The following SP140 variants were observed in gnomAD, a reference collection of about 807,000 sequenced individuals.
SP140 encodes SP140 nuclear body protein, also known as nuclear body protein SP140.
SP140 carries 81 observed loss-of-function variants against 125.0 expected under a neutral mutation model. The observed-to-expected ratio is 0.65, with a 90% CI of 0.54 to 0.78. The LOEUF (loss-of-function observed/expected upper bound fraction) is 0.78. SP140 is among the 30% of genes least tolerant of loss of function. The pLI is 0.00. For missense variants in SP140, 858 were observed against 1,037.0 expected (o/e 0.83, Z 2.37); for synonymous variants, 312 against 354.0 (o/e 0.88, Z 1.33).
upstream of SP140, among the ~76,000 whole-genome samples, chr2:230,224,477 G>C (rs147113293): frequency 2.8e-3 from 421 of 149,846 alleles, 1 homozygote; most frequent in Non-Finnish European, 3.6e-3. Context: ...GAGGGAGGGA[G>C]AGAGAGGGAG....
chr2:230,294,322 A>G lies in SP140; in HGVS notation c.2016+4A>G. The G allele has an allele frequency of 6.2e-7, 1 of 1,603,016 alleles. No individual in the cohort carries two copies. Among genetic ancestry groups the G allele is most frequent in the Non-Finnish European group, 8.5e-7 (1 of 1,169,952 alleles). ...AATACGTTACAGGAAAAAAAAGGTG[A>G]TTATTACATAGCTTTATACAGCTTC... On this transcript the variant is annotated splice_donor_region_variant and intron_variant, in intron 21 of 26. Transcript: ENST00000392045.
chr2:230,239,034 T>A, intron 3 of SP140: 1 of 1,405,326 alleles, frequency 7.1e-7, no homozygotes, highest in Non-Finnish European at 9.2e-7. Context: ...TGGAGTTTAA[T>A]TTTTGGAAAA....
intron 11 of SP140, 90 bp downstream of exon 11, chr2:230,253,507 C>A: frequency 1.1e-6 from 1 of 915,046 alleles, no homozygotes; most frequent in East Asian, 2.5e-5. Flanking sequence ...CCATCCTACC[C>A]TTCTCTTCTT....
upstream of SP140, among the ~76,000 whole-genome samples, chr2:230,199,205 C>CTTT (rs35807015): frequency 3.8e-3 from 343 of 89,446 alleles, 5 homozygotes; most frequent in East Asian, 0.012. Context: ...ACATAATCCT[C>CTTT]TTTTTTTTTT....
upstream of SP140, chr2:230,202,439 T>A (rs2043275104): frequency 1.3e-6 from 1 of 761,790 alleles, no homozygotes; most frequent in Non-Finnish European, 2.2e-6. Context: ...TCTTTGTTCC[T>A]CTTGTTATAC....
At position 230,255,457 on chromosome 2, in the gene SP140, A is replaced by G; in HGVS notation, c.1165A>G (p.Ser389Gly). ...GATTTCCTTCCTTTCTGCAGAGGGC[A>G]GTGATGACTGTTCGGAAATGTGTGA... ...SLLPGEGEEG[S>G]DDCSEMCDGE... Residue 389 changes from serine to glycine, a missense_variant, in exon 12 of 27, where the codon AGT (serine) becomes GGT (glycine). Ser to Gly is a moderately conservative substitution (Grantham distance 56). Coordinates refer to ENST00000392045, the MANE Select transcript of SP140 (RefSeq NM_007237.5). 1 of 1,613,852 alleles carries G rather than the reference A, an allele frequency of 6.2e-7. No homozygotes were observed. The highest frequency in any genetic ancestry group is 1.1e-5 in the South Asian group (1 of 91,072).
chr2:230,295,941 C>T (rs1575286754), intron 21 of SP140, among the ~76,000 whole-genome samples: 1 of 152,090 alleles, frequency 6.6e-6, no homozygotes, highest in African/African-American at 2.4e-5. Context: ...GAAGATTGAC[C>T]TCAAAAATTA....
In SP140 at chr2:230,305,203, G is replaced by A. The variant is rs941646885; in HGVS notation, c.2059-4721G>A. ...GAAATGCAAATCAAAACCGCAATGC[G>A]ATACCACCTTACTCCTGCAAGAATG... is the stretch of plus-strand genomic sequence containing the variant. On this transcript the variant is annotated intron_variant, in intron 22 of 26. Coordinates refer to ENST00000392045, the MANE Select transcript of SP140 (RefSeq NM_007237.5). Among the ~76,000 whole-genome samples the A allele has an allele frequency of 7.2e-5, 11 of 152,190 alleles. No homozygotes were observed. The East Asian group carries it at 7.7e-4, about 11-fold the overall frequency.
the SP140 span, among the ~76,000 whole-genome samples, chr2:230,193,591 CTT>C: frequency 6.6e-6 from 1 of 152,194 alleles, no homozygotes; most frequent in Admixed American, 6.5e-5. Context: ...CTAAAAATGA[CTT>C]TATTTCTCCT....
rs555793581 is a variant in SP140, at chr2:230,295,021, C to T, written c.2016+703C>T. Among the ~76,000 whole-genome samples the T allele has an allele frequency of 7.2e-5, 11 of 152,320 alleles. No individual in the cohort carries two copies. In the South Asian group the frequency reaches 1.4e-3, roughly 20 times the overall value. On this transcript the variant is annotated intron_variant, in intron 21 of 26. Transcript: ENST00000392045. ...TTTTATGTTGATGCCACCTCTTTGG[C>T]TCTACCAGAGGGACTGTGCAGACCT...
chr2:230,259,253 C>T (rs1195405688), intron 12 of SP140, among the ~76,000 whole-genome samples: 1 of 152,142 alleles, frequency 6.6e-6, no homozygotes, highest in Non-Finnish European at 1.5e-5. Context: ...GCACCCCTCC[C>T]ACTCTTCCCT....
In SP140 at chr2:230,214,972, C is replaced by T. The variant is rs199925122; in HGVS notation, c.-91+898C>T. On this transcript the variant is annotated intron_variant, in intron 3 of 4. Coordinates refer to the SP140 transcript ENST00000456542. ...TACCACGTTTGAAGCTTCTGTAAAT[C>T]GTCACCAGATTGGGATATTCACGCA... 5.6e-6 allele frequency: 9 copies of T among 1,613,860 alleles called. No individual in the cohort carries two copies. The highest frequency in any genetic ancestry group is 2.2e-5 in the East Asian group (1 of 44,882).
At chr2:230,290,352 G>T (rs2056972119) in intron 18 of SP140, 108 bp from the exon 19 acceptor site, 2 of 997,860 alleles carry the variant, frequency 2.0e-6, no homozygotes, top group Admixed American at 5.0e-5. Context: ...GAGGGTTTTG[G>T]AATAGAATTT....
chr2:230,224,448 A>G (rs1453052901), upstream of SP140, among the ~76,000 whole-genome samples: 7 of 95,912 alleles, frequency 7.3e-5, no homozygotes, highest in Non-Finnish European at 1.2e-4. Context: ...AGGGAGGGAG[A>G]GAGAGGGAGA....
chr2:230,242,449 A>T (rs1222074783), intron 4 of SP140, among the ~76,000 whole-genome samples: 1 of 152,102 alleles, frequency 6.6e-6, no homozygotes, highest in South Asian at 2.1e-4. Flanking sequence ...ATTTCAATAG[A>T]TCTCTCCCAG....
At chr2:230,215,576 C>T (rs1574782082) in intron 3 of SP140, among the ~76,000 whole-genome samples, 2 of 152,222 alleles carry the variant, frequency 1.3e-5, no homozygotes, top group East Asian at 3.8e-4. Flanking sequence ...TGAGATAAGC[C>T]TGAATGGATT....
chr2:230,307,990 T>TATATATATATACAC (rs869070046), intron 22 of SP140, among the ~76,000 whole-genome samples: 10 of 52,630 alleles, frequency 1.9e-4, no homozygotes, highest in African/African-American at 4.6e-4. Context: ...TATATATATA[T>TATATATATATACAC]ACACACACAC....
rs151196366 is a variant in SP140, at chr2:230,218,010, T to G, written c.-91+3936T>G. Among the ~76,000 whole-genome samples, 266 of 152,370 alleles carry G rather than the reference T, an allele frequency of 1.7e-3. 3 individuals carry two copies. Among genetic ancestry groups the G allele is most frequent in the African/African-American group, 5.9e-3 (246 of 41,600 alleles). On this transcript the variant is annotated intron_variant, in intron 3 of 4. Transcript: ENST00000456542. The stretch of plus-strand genomic sequence containing the variant: ...CTGCAACCATTTCATGTCTCAGACA[T>G]GCGCCTTTTCCCATGCCCATGCAGC...
the SP140 span, among the ~76,000 whole-genome samples, chr2:230,193,687 A>G: frequency 6.6e-6 from 1 of 152,194 alleles, no homozygotes; most frequent in African/African-American, 2.4e-5. Flanking sequence ...TAAGACTCCA[A>G]TCCCTTCCAG....
Sources: gnomAD v4.1 joint callset for allele counts (sites outside exome capture counted in the v4.1 genomes callset) on GRCh38, gnomAD v4.1.1 for gene constraint, MANE v1.5 for transcripts, NCBI Gene and HGNC (gene_info 2026-07-23, HGNC 2026-07-21) for gene names.